TG: variants seen among roughly 807,000 people sequenced by gnomAD.
TG encodes the protein thyroglobulin.
TG carries 270 observed loss-of-function variants against 324.7 expected under a neutral mutation model. The ratio of observed to expected loss-of-function variants is 0.83; its 90% confidence interval spans 0.75 to 0.92. TG has a LOEUF of 0.92. Among genes scored for constraint, TG ranks in the 40% least tolerant of loss-of-function variants. The pLI is 0.00. For synonymous variants in TG, 1,401 were observed against 1,327.0 expected (o/e 1.06, Z -1.21); for missense variants, 3,591 against 3,456.4 (o/e 1.04, Z -0.98).
At chr8:132,969,089 A>AC (rs1262957932) in intron 31 of TG, among the ~76,000 whole-genome samples, 1 of 146,008 alleles carries the variant, frequency 6.8e-6, no homozygotes, top group Non-Finnish European at 1.5e-5. Flanking sequence ...TGTTTGGGCC[A>AC]CCTTCACCCC....
chr8:132,948,281 AAGAGCGAGAGTGAGCG>A (rs1177169062), intron 26 of TG, among the ~76,000 whole-genome samples: 76 of 151,740 alleles, frequency 5.0e-4, no homozygotes, highest in African/African-American at 1.7e-3. Flanking sequence ...GAGCGAGAGC[AAGAGCGAGAGTGAGCG>A]AGAGCGAGAG....
chr8:132,950,243 C>A (rs536949318), intron 27 of TG, among the ~76,000 whole-genome samples: 1 of 152,218 alleles, frequency 6.6e-6, no homozygotes, highest in Non-Finnish European at 1.5e-5. Flanking sequence ...AGAACCTGAA[C>A]TGGGAAAGCA....
chr8:132,988,750 G>C (rs1296567270), intron 35 of TG: 1 of 985,332 alleles, frequency 1.0e-6, no homozygotes, highest in Non-Finnish European at 1.2e-6. Flanking sequence ...AGGTTAGCTT[G>C]AGTTATCTTC....
intron 33 of TG, 91 bp from the exon 34 acceptor site, chr8:132,972,507 T>C (rs1829665034): frequency 7.6e-6 from 11 of 1,452,380 alleles, no homozygotes; most frequent in Non-Finnish European, 1.0e-5. Context: ...TGCTGAACAA[T>C]GTACTTGCAG....
chr8:132,990,240 A>T (rs1161683006), intron 35 of TG, among the ~76,000 whole-genome samples: 1 of 151,160 alleles, frequency 6.6e-6, no homozygotes, highest in African/African-American at 2.4e-5. Flanking sequence ...TTTATGGATA[A>T]CTGTTATTAA....
intron 35 of TG, among the ~76,000 whole-genome samples, chr8:132,997,283 G>A (rs1412234178): frequency 1.3e-5 from 2 of 152,178 alleles, no homozygotes; most frequent in South Asian, 2.1e-4. Flanking sequence ...GTGGGTGGAA[G>A]TGAGATTATG....
rs186734952 is a variant in TG at position 132,997,569 on chromosome 8, A to G, written c.6262+14157A>G. Reference sequence around the variant, plus strand: ...GGGAGGCACACTGGTGGCATCTGCTATCATGGAACCCAGGCCAGGGAGATG... The same window carrying G: ...GGGAGGCACACTGGTGGCATCTGCTGTCATGGAACCCAGGCCAGGGAGATG... On this transcript the variant is annotated intron_variant, in intron 35 of 47. Coordinates refer to ENST00000220616, the MANE Select transcript of TG (RefSeq NM_003235.5). 7.2e-5 allele frequency among the ~76,000 whole-genome samples: 11 copies of G among 152,306 alleles called. No homozygotes were observed. The East Asian group carries it at 9.7e-4, about 13-fold the overall frequency.
At chr8:133,042,709 T>TTTTTTTG (rs1554706931) in intron 41 of TG, among the ~76,000 whole-genome samples, 2 of 138,594 alleles carry the variant, frequency 1.4e-5, no homozygotes, top group African/African-American at 5.6e-5. Context: ...TTTTTTTTTT[T>TTTTTTTG]GTGAGATGGA....
At chr8:133,056,349 A>G (rs533642972) in intron 41 of TG, among the ~76,000 whole-genome samples, 1 of 152,280 alleles carries the variant, frequency 6.6e-6, no homozygotes, top group East Asian at 1.9e-4. Context: ...GAAAAAAGGG[A>G]TCTGGTCCAA....
chr8:133,017,322 G>A (rs1219073939), intron 37 of TG, among the ~76,000 whole-genome samples: 1 of 150,426 alleles, frequency 6.6e-6, no homozygotes, highest in African/African-American at 2.5e-5. Context: ...TGACATGGGT[G>A]GCTGAAGAAA....
At chr8:132,934,390 A>G (rs1037572183) in intron 24 of TG, among the ~76,000 whole-genome samples, 17 of 152,312 alleles carry the variant, frequency 1.1e-4, no homozygotes, top group Admixed American at 1.0e-3. Flanking sequence ...CAAGTTAAAT[A>G]TTAGAACCAC....
chr8:132,925,580 A>C (rs1439693060), intron 22 of TG, among the ~76,000 whole-genome samples: 1 of 150,420 alleles, frequency 6.6e-6, no homozygotes, highest in Non-Finnish European at 1.5e-5. Context: ...ATCCAATGAA[A>C]GTCTTATTTT....
At chr8:132,878,627 A>C (rs1364369332) in intron 5 of TG, among the ~76,000 whole-genome samples, 1 of 151,774 alleles carries the variant, frequency 6.6e-6, no homozygotes, top group African/African-American at 2.4e-5. Flanking sequence ...AAAACAAAAA[A>C]AAAACAAAAA....
intron 11 of TG, among the ~76,000 whole-genome samples, chr8:132,895,112 AG>A (rs1227811840): frequency 1.3e-5 from 2 of 152,256 alleles, no homozygotes; most frequent in African/African-American, 4.8e-5. Context: ...GCAGGAGAAC[AG>A]GTCCCTTCCA....
At chr8:133,086,359 A>G (rs1564172053) in intron 41 of TG, among the ~76,000 whole-genome samples, 1 of 152,252 alleles carries the variant, frequency 6.6e-6, no homozygotes, top group African/African-American at 2.4e-5. Flanking sequence ...TGTGAATTAT[A>G]TCACAATAAT....
intron 41 of TG, among the ~76,000 whole-genome samples, chr8:133,084,123 G>T (rs1846146958): frequency 6.6e-6 from 1 of 152,122 alleles, no homozygotes; most frequent in African/African-American, 2.4e-5. Context: ...CTGGTCAAGA[G>T]CTGGCCCATG....
chr8:132,932,649 C>T (rs1822887930), intron 23 of TG, among the ~76,000 whole-genome samples: 1 of 152,222 alleles, frequency 6.6e-6, no homozygotes, highest in African/African-American at 2.4e-5. Context: ...CATCGTTACT[C>T]ATGAATATTA....
chr8:132,982,292 G>A (rs1573825), intron 34 of TG, among the ~76,000 whole-genome samples: 88,079 of 151,976 alleles, frequency 0.58, 26,809 homozygotes, highest in African/African-American at 0.73. Flanking sequence ...CCCTACTTTT[G>A]ACTGCTGGCC....
intron 41 of TG, chr8:133,060,065 A>G: frequency 1.3e-6 from 2 of 1,548,776 alleles, no homozygotes; most frequent in Non-Finnish European, 1.7e-6. Context: ...CTTGTAGCAC[A>G]GACTCAAGCA....
Sources: gnomAD v4.1 joint callset for allele counts (sites outside exome capture counted in the v4.1 genomes callset) on GRCh38, gnomAD v4.1.1 for gene constraint, MANE v1.5 for transcripts, NCBI Gene and HGNC (gene_info 2026-07-23, HGNC 2026-07-21) for gene names.